Variants in ARHGAP5 observed in about 807,000 individuals in gnomAD.
ARHGAP5 encodes rho GTPase-activating protein 5.
A neutral mutation model predicts 116.6 loss-of-function variants in ARHGAP5; 23 were observed. The observed-to-expected ratio is 0.20, with a 90% CI of 0.14 to 0.28. The LOEUF is 0.28. Among genes scored for constraint, ARHGAP5 ranks in the 10% least tolerant of loss-of-function variants. ARHGAP5 has a pLI of 1.00. For missense variants in ARHGAP5, 1,405 were observed against 1,774.8 expected (o/e 0.79, Z 3.74); for synonymous variants, 574 against 602.0 (o/e 0.95, Z 0.68).
chr14:32,084,692 A>G (rs2041811544), intron 1 of ARHGAP5, among the ~76,000 whole-genome samples: 1 of 152,178 alleles, frequency 6.6e-6, no homozygotes, highest in African/African-American at 2.4e-5. Flanking sequence ...GCCTGATTAT[A>G]TTCTTGTTTC....
intron 2 of ARHGAP5, among the ~76,000 whole-genome samples, chr14:32,113,030 T>C (rs1879387862): frequency 6.6e-6 from 1 of 152,224 alleles, no homozygotes; most frequent in South Asian, 2.1e-4. Flanking sequence ...AGAACTTTGA[T>C]GGCATTTTAT....
At chr14:32,148,486 C>T (rs1361362207) in intron 4 of ARHGAP5, among the ~76,000 whole-genome samples, 3 of 151,978 alleles carry the variant, frequency 2.0e-5, no homozygotes, top group Admixed American at 6.6e-5. Context: ...GTTTTCTCTC[C>T]GAGCACCATA....
intron 2 of ARHGAP5, among the ~76,000 whole-genome samples, chr14:32,105,361 C>A (rs549890923): frequency 6.6e-6 from 1 of 151,972 alleles, no homozygotes; most frequent in South Asian, 2.1e-4. Context: ...GTGTTGCTTC[C>A]GTTCCATTTT....
chr14:32,077,322 G>A lies in ARHGAP5; in HGVS notation c.-282G>A, dbSNP rs961132346. On this transcript the variant is annotated 5_prime_UTR_variant, in exon 1 of 7. Transcript: ENST00000345122. ...GCGCGCCGAGGAAGAGAGGCGAGCGGAGAGTGGAGGAGGAGGCGGCGGCGG... is the reference window on the plus strand; with the variant it reads ...GCGCGCCGAGGAAGAGAGGCGAGCGAAGAGTGGAGGAGGAGGCGGCGGCGG... The A allele has an allele frequency of 1.4e-5, 10 of 691,674 alleles. No homozygotes were observed. The highest frequency in any genetic ancestry group is 2.6e-5 in the Non-Finnish European group (10 of 380,506). 42.8% of individuals were successfully genotyped at this position (691,674 alleles called of 1,614,324 possible).
At chr14:32,121,272 A>G (rs549989330) in intron 3 of ARHGAP5, among the ~76,000 whole-genome samples, 1 of 152,108 alleles carries the variant, frequency 6.6e-6, no homozygotes, top group South Asian at 2.1e-4. Flanking sequence ...TTTGTTCTGA[A>G]GTCTACTTTG....
intron 1 of ARHGAP5, among the ~76,000 whole-genome samples, chr14:32,090,116 G>A (rs138228407): frequency 8.2e-4 from 124 of 152,056 alleles, no homozygotes; most frequent in African/African-American, 2.6e-3. Context: ...TGAGGGAGTT[G>A]CAAGTCAACT....
At position 32,156,531 on chromosome 14, in the gene ARHGAP5, T is replaced by A. The variant is rs902830881; in HGVS notation, c.*1583T>A. 4 of 152,354 alleles carry A rather than the reference T, an allele frequency of 2.6e-5. No homozygotes were observed. The highest frequency in any genetic ancestry group is 9.7e-5 in the African/African-American group (4 of 41,422). 9.4% of individuals were successfully genotyped at this position (152,354 alleles called of 1,614,324 possible). On this transcript the variant is annotated 3_prime_UTR_variant, in exon 7 of 7. Transcript: ENST00000345122. ...AAGTACATGTATATTATAAATTATC[T>A]TATTTGTGTTATACTCTTACATGTT...
chr14:32,138,735 G>A (rs972150871), intron 3 of ARHGAP5, among the ~76,000 whole-genome samples: 2 of 152,054 alleles, frequency 1.3e-5, no homozygotes, highest in East Asian at 1.9e-4. Flanking sequence ...AATGTTAAAC[G>A]GAAGTGGCAA....
intron 2 of ARHGAP5, among the ~76,000 whole-genome samples, chr14:32,115,844 G>A (rs1386698571): frequency 8.7e-5 from 13 of 149,616 alleles, no homozygotes. Context: ...TGGGCTTGGT[G>A]GTGCATGTGG....
At chr14:32,084,396 A>G (rs758260239) in intron 1 of ARHGAP5, among the ~76,000 whole-genome samples, 30 of 152,054 alleles carry the variant, frequency 2.0e-4, no homozygotes, top group Non-Finnish European at 4.0e-4. Flanking sequence ...TGGACTTTTT[A>G]TGTTAGTATA....
At chr14:32,129,827 C>T (rs1174269463) in intron 3 of ARHGAP5, among the ~76,000 whole-genome samples, 1 of 152,182 alleles carries the variant, frequency 6.6e-6, no homozygotes, top group East Asian at 1.9e-4. Flanking sequence ...TTTGGTTAAA[C>T]CTCTGGTTAC....
In ARHGAP5 at chr14:32,093,119, T is replaced by C; in HGVS notation, c.2450T>C (p.Met817Thr). 1 of 1,613,990 alleles carries C rather than the reference T, an allele frequency of 6.2e-7. No individual in the cohort carries two copies. Among genetic ancestry groups the C allele is most frequent in the African/African-American group, 1.3e-5 (1 of 75,040 alleles). The stretch of plus-strand genomic sequence containing the variant: ...CAAGCTGGACAGAATAATTCCCTAA[T>C]GCTTGATAAAATCATTGGTGAAAAA... ...AAQAGQNNSL[M>T]LDKIIGEKRR... The change falls in exon 2 of 7, where the codon ATG (methionine) becomes ACG (threonine). Residue 817 changes from methionine (M) to threonine (T), a missense_variant. Transcript: ENST00000345122.
chr14:32,140,753 C>T (rs1881085455), intron 3 of ARHGAP5, among the ~76,000 whole-genome samples: 1 of 152,074 alleles, frequency 6.6e-6, no homozygotes, highest in Non-Finnish European at 1.5e-5. Flanking sequence ...TACGGTGTTT[C>T]CTCCAGAATG....
At chr14:32,119,964 A>G (rs1879800510) in intron 3 of ARHGAP5, among the ~76,000 whole-genome samples, 1 of 152,140 alleles carries the variant, frequency 6.6e-6, no homozygotes, top group South Asian at 2.1e-4. Context: ...TTTGGTTGGT[A>G]TCAGAGTGAA....
At chr14:32,116,466 G>C (rs1369114855) in intron 2 of ARHGAP5, among the ~76,000 whole-genome samples, 1 of 151,188 alleles carries the variant, frequency 6.6e-6, no homozygotes. Flanking sequence ...GGTGGTGGGC[G>C]CCTGTAGTCC....
chr14:32,102,004 G>C (rs1014488946), intron 2 of ARHGAP5, among the ~76,000 whole-genome samples: 4 of 152,018 alleles, frequency 2.6e-5, no homozygotes, highest in African/African-American at 9.6e-5. Context: ...GCTTACTATA[G>C]GAAGGCAATA....
rs1478054752 is a variant in ARHGAP5 at position 32,151,018 on chromosome 14, T to C, written c.4075+985T>C. The stretch of plus-strand genomic sequence containing the variant: ...CTTTTGGTTGCAAGTCTTCAGGTTA[T>C]TTTAGATGAGACTACTTCGTATTGT... On this transcript the variant is annotated intron_variant, in intron 5 of 6. Transcript: ENST00000345122. Among the ~76,000 whole-genome samples, 53 of 152,220 alleles carry C rather than the reference T, an allele frequency of 3.5e-4. 1 individual carries two copies. The highest frequency in any genetic ancestry group is 2.9e-5 in the Non-Finnish European group (2 of 68,052).
chr14:32,143,202 A>AGTT (rs140378018), intron 3 of ARHGAP5, among the ~76,000 whole-genome samples: 60,973 of 145,048 alleles, frequency 0.42, 13,563 homozygotes, highest in Admixed American at 0.49. Flanking sequence ...ACATTATTTT[A>AGTT]GTTGTTGTTG....
chr14:32,100,670 G>A (rs1459187481), intron 2 of ARHGAP5, among the ~76,000 whole-genome samples: 1 of 152,158 alleles, frequency 6.6e-6, no homozygotes, highest in East Asian at 1.9e-4. Context: ...GGATTTTAGT[G>A]TCCACAGAGG....
Sources: gnomAD v4.1 joint callset for allele counts (sites outside exome capture counted in the v4.1 genomes callset) on GRCh38, gnomAD v4.1.1 for gene constraint, MANE v1.5 for transcripts, NCBI Gene and HGNC (gene_info 2026-07-23, HGNC 2026-07-21) for gene names.